Variants in VPS13C observed in about 807,000 individuals in gnomAD.
VPS13C encodes the protein vacuolar protein sorting 13 homolog C.
VPS13C carries 358 observed loss-of-function variants against 456.8 expected under a neutral mutation model. That is an observed-to-expected ratio of 0.78 (90% CI 0.72 to 0.86). The LOEUF is 0.86. Among genes scored for constraint, VPS13C ranks in the 40% least tolerant of loss-of-function variants. The pLI, the probability that VPS13C is intolerant of heterozygous loss-of-function variation, is 0.00. For missense variants in VPS13C, 4,818 were observed against 4,385.4 expected (o/e 1.10, Z -2.79); for synonymous variants, 1,578 against 1,486.7 (o/e 1.06, Z -1.41).
intron 14 of VPS13C, among the ~76,000 whole-genome samples, chr15:62,008,383 A>G (rs1410842751): frequency 1.3e-5 from 2 of 152,000 alleles, no homozygotes; most frequent in East Asian, 1.9e-4. Flanking sequence ...ATGGGGACAC[A>G]GCAAGATTCT....
At chr15:62,042,926 T>C (rs527862912) in intron 2 of VPS13C, among the ~76,000 whole-genome samples, 15 of 150,338 alleles carry the variant, frequency 1.0e-4, no homozygotes, top group Non-Finnish European at 1.9e-4. Context: ...AAAAAATATA[T>C]ATATATAAAA....
At chr15:62,041,416 C>T in intron 2 of VPS13C, 50 bp from the exon 3 acceptor site, 1 of 1,545,562 alleles carries the variant, frequency 6.5e-7, no homozygotes, top group Non-Finnish European at 8.8e-7. Context: ...ATGAAGCCAA[C>T]CCAAAAATCA....
chr15:62,060,403 G>A lies in VPS13C; in HGVS notation c.-29C>T, dbSNP rs763658803. 1.2e-5 allele frequency: 16 copies of A among 1,294,254 alleles called. No homozygotes were observed. In the South Asian group the frequency reaches 1.5e-4, roughly 12 times the overall value. 80.2% of individuals were successfully genotyped at this position (1,294,254 alleles called of 1,614,324 possible). A position where few individuals can be genotyped will look rare whatever the true frequency, so the allele number is the denominator to read the frequency against. On this transcript the variant is annotated 5_prime_UTR_variant, in exon 1 of 85. Transcript: ENST00000644861. Reference sequence around the variant, plus strand: ...GGCGCTGAGGCACAAGGAGAGGGAGGAGCCGGAACCGCCCGGCGCAGCTGA... The same window carrying A: ...GGCGCTGAGGCACAAGGAGAGGGAGAAGCCGGAACCGCCCGGCGCAGCTGA...
intron 8 of VPS13C, among the ~76,000 whole-genome samples, chr15:62,021,200 T>C (rs376581443): frequency 6.6e-6 from 1 of 151,822 alleles, no homozygotes; most frequent in Admixed American, 6.6e-5. Context: ...GTACAATGTA[T>C]ATTATGGGTG....
chr15:61,970,674 G>A (rs1047809118), intron 27 of VPS13C, among the ~76,000 whole-genome samples: 3 of 152,014 alleles, frequency 2.0e-5, no homozygotes, highest in Non-Finnish European at 2.9e-5. Flanking sequence ...GTATGTGCCT[G>A]TAATCTCAGC....
rs369746941 is a variant in VPS13C, at chr15:61,953,440, C to T, written c.4299+981G>A. 4.4e-5 allele frequency among the ~76,000 whole-genome samples: 6 copies of T among 136,382 alleles called. No homozygotes were observed. In the Admixed American group the frequency reaches 5.2e-4, roughly 12 times the overall value. The allele number at this position is 136,382 out of a possible 152,430, so 89.5% of individuals were successfully genotyped here. On this transcript the variant is annotated intron_variant, in intron 38 of 84. Transcript: ENST00000644861. Reference sequence around the variant, plus strand: ...GAATGTGATGTTCCCCTTCCTGTGTCCATGTGTCCTCATTGTTCAATTCCC... The same window carrying T: ...GAATGTGATGTTCCCCTTCCTGTGTTCATGTGTCCTCATTGTTCAATTCCC...
chr15:61,985,140 A>T (rs1255415534), intron 18 of VPS13C, 141 bp from the exon 19 acceptor site: 1 of 586,750 alleles, frequency 1.7e-6, no homozygotes, highest in African/African-American at 1.9e-5. Context: ...CATGCTCACC[A>T]TAAAGGAAAA....
chr15:62,010,871 T>G (rs2047014929), intron 12 of VPS13C, among the ~76,000 whole-genome samples: 1 of 152,180 alleles, frequency 6.6e-6, no homozygotes, highest in South Asian at 2.1e-4. Context: ...CAATCTACTC[T>G]TGGTTATTCA....
chr15:62,023,263 G>A lies in VPS13C; in HGVS notation c.624+148C>T, dbSNP rs1161086609. On this transcript the variant is annotated intron_variant, in intron 8 of 84. Coordinates refer to ENST00000644861, the MANE Select transcript of VPS13C (RefSeq NM_020821.3). The stretch of plus-strand genomic sequence containing the variant: ...GTACATAAATGCCCAATAAAACGAG[G>A]CTAACACAAGAGGATATGGTAGTGT... 3.0e-5 allele frequency: 12 copies of A among 402,290 alleles called. No homozygotes were observed. The Admixed American group carries it at 3.1e-4, about 10-fold the overall frequency. The allele number at this position is 402,290 out of a possible 1,614,324, so 24.9% of individuals were successfully genotyped here.
At chr15:61,960,180 G>C (rs759649147) in intron 35 of VPS13C, among the ~76,000 whole-genome samples, 4 of 152,160 alleles carry the variant, frequency 2.6e-5, no homozygotes, top group Non-Finnish European at 4.4e-5. Context: ...CCAAAAATGT[G>C]TAAGTTCAAT....
At chr15:61,922,130 A>T (rs1168643194) in intron 54 of VPS13C, 97 bp from the exon 55 acceptor site, 1 of 1,293,052 alleles carries the variant, frequency 7.7e-7, no homozygotes, top group Admixed American at 2.0e-5. Flanking sequence ...AATGTTATAT[A>T]TCATTAGCCA....
chr15:61,929,201 C>T (rs2043970711), intron 51 of VPS13C, among the ~76,000 whole-genome samples: 1 of 152,116 alleles, frequency 6.6e-6, no homozygotes, highest in South Asian at 2.1e-4. Context: ...GAATAAGATA[C>T]CCCACCTATA....
At chr15:61,854,608 T>G (rs1192525065) in intron 84 of VPS13C, 50 bp from the exon 85 acceptor site, 1 of 1,584,608 alleles carries the variant, frequency 6.3e-7, no homozygotes, top group Non-Finnish European at 8.7e-7. Flanking sequence ...TATAGGCTCA[T>G]TTGGTTGAAG....
In VPS13C at chr15:62,008,760, T is replaced by C. The variant is rs748267589; in HGVS notation, c.1013A>G (p.Tyr338Cys). The C allele has an allele frequency of 6.4e-7, 1 of 1,557,254 alleles. No individual in the cohort carries two copies. The highest frequency in any genetic ancestry group is 1.2e-5 in the South Asian group (1 of 81,574). Residue 338 changes from tyrosine (Y) to cysteine (C), a missense_variant and splice_region_variant, in exon 14 of 85, where the codon TAC becomes TGC. Around this residue, in one of 3 missense-constraint regions of VPS13C, gnomAD observed 4,552 missense variants for 4,130.6 expected, o/e 1.10. Coordinates refer to ENST00000644861, the MANE Select transcript of VPS13C (RefSeq NM_020821.3). ...CTCCAAAAGGTCAATCATACTTAAG[T>C]ACTGTTAAAACAAAAATAAAATTAT... is the stretch of plus-strand genomic sequence containing the variant. ...NIAIELTKPQ[Y>C]LSMIDLLESV...
chr15:61,951,900 T>C lies in VPS13C; in HGVS notation c.4380A>G (p.Glu1460=). ...HELNVLQLGM[E]AKVKTYDMTA... is the part of the protein sequence containing the mutation. ...TCATGTCATAGGTTTTAACTTTAGC[T>C]TCCATTCCAAGTTGCAGGACATTTA... Residue 1460 remains glutamate (E), a synonymous_variant, in exon 39 of 85, where the codon GAA becomes GAG. Transcript: ENST00000644861. 1.2e-6 allele frequency: 2 copies of C among 1,613,904 alleles called. No individual in the cohort carries two copies. The highest frequency in any genetic ancestry group is 8.5e-7 in the Non-Finnish European group (1 of 1,179,902).
At chr15:61,945,653 C>G in intron 45 of VPS13C, 62 bp downstream of exon 45, 1 of 1,353,088 alleles carries the variant, frequency 7.4e-7, no homozygotes, top group Non-Finnish European at 1.0e-6. Context: ...TATCTAGGTT[C>G]AGTTGTATAA....
intron 1 of VPS13C, among the ~76,000 whole-genome samples, chr15:62,044,697 T>C (rs999812596): frequency 6.6e-6 from 1 of 152,180 alleles, no homozygotes; most frequent in African/African-American, 2.4e-5. Context: ...TAGTCTTTCA[T>C]GTCTCCAAAC....
intron 54 of VPS13C, 96 bp downstream of exon 54, chr15:61,922,301 T>C (rs1161332386): frequency 2.1e-6 from 3 of 1,424,654 alleles, no homozygotes; most frequent in East Asian, 2.3e-5. Context: ...ACATATGTAC[T>C]CATAGTGGCC....
intron 15 of VPS13C, among the ~76,000 whole-genome samples, chr15:62,006,914 CTGT>C (rs2046869764): frequency 6.6e-6 from 1 of 152,076 alleles, no homozygotes; most frequent in African/African-American, 2.4e-5. Context: ...TTAGTAAAAG[CTGT>C]TTTTTATAAA....
Sources: gnomAD v4.1 joint callset for allele counts (sites outside exome capture counted in the v4.1 genomes callset) on GRCh38, gnomAD v4.1.1 for gene constraint, gnomAD v4.1.1 regional missense constraint, MANE v1.5 for transcripts, NCBI Gene and HGNC (gene_info 2026-07-23, HGNC 2026-07-21) for gene names.